The following CLEC4C variants were observed in gnomAD, a reference collection of about 807,000 sequenced individuals.
The protein encoded by CLEC4C is C-type (calcium dependent, carbohydrate-recognition domain) lectin, superfamily member 11.
In CLEC4C, 17 loss-of-function variants were observed where a neutral mutation model predicts 27.7. The ratio of observed to expected loss-of-function variants is 0.61; its 90% confidence interval spans 0.42 to 0.92. CLEC4C has a LOEUF of 0.92. Ranked by LOEUF, CLEC4C falls within the 40% of genes least tolerant of loss-of-function variation. The pLI is 0.00. For missense variants in CLEC4C, 244 were observed against 257.3 expected, an observed-to-expected ratio of 0.95 and a Z score of 0.35; for synonymous variants, 80 against 80.8, an observed-to-expected ratio of 0.99 and a Z score of 0.06.
intron 2 of CLEC4C, among the ~76,000 whole-genome samples, chr12:7,742,840 A>C (rs557069853): frequency 8.5e-6 from 1 of 117,312 alleles, no homozygotes; most frequent in Non-Finnish European, 2.0e-5. Flanking sequence ...TAAATAAATA[A>C]ATAAATAAAT....
chr12:7,741,611 G>T, intron 2 of CLEC4C, 80 bp from the exon 3 acceptor site: 1 of 807,184 alleles, frequency 1.2e-6, no homozygotes, highest in Non-Finnish European at 2.1e-6. Context: ...GCTGTGGACA[G>T]GCACAGTGAC....
At chr12:7,739,672 T>C (rs1231356972) in intron 3 of CLEC4C, among the ~76,000 whole-genome samples, 2 of 147,574 alleles carry the variant, frequency 1.4e-5, no homozygotes, top group Non-Finnish European at 3.0e-5. Flanking sequence ...AAGCTGATAA[T>C]TTTATTTTAT....
chr12:7,731,290 T>C lies in CLEC4C; in HGVS notation c.382-378A>G, dbSNP rs1474481678. 4.0e-4 allele frequency among the ~76,000 whole-genome samples: 61 copies of C among 151,804 alleles called. 1 individual carries two copies. The highest frequency in any genetic ancestry group is 4.0e-3 in the Admixed American group (61 of 15,194). ...ATGTATGGGAACAGACATACAACTCTCCCTCCCAGATAAGCACAACAAAGA... is the reference window on the plus strand; with the variant it reads ...ATGTATGGGAACAGACATACAACTCCCCCTCCCAGATAAGCACAACAAAGA... On this transcript the variant is annotated intron_variant, in intron 4 of 5. Coordinates refer to ENST00000360345, the MANE Select transcript of CLEC4C (RefSeq NM_001371390.1).
Position 7,730,810 on chromosome 12 carries a change from T to C in CLEC4C, c.484A>G (p.Asn162Asp), listed in dbSNP as rs199756493. ...TTCTATACTCACGTGACATTTTCAT[T>C]GTATGGTGTCTGGTCAACCCATTGC... ...HWQWVDQTPY[N>D]ENVTFWHSGE... The change falls in exon 5 of 6, where the codon AAT becomes GAT. Residue 162 changes from asparagine (N) to aspartate (D), a missense_variant. Coordinates refer to ENST00000360345, the MANE Select transcript of CLEC4C (RefSeq NM_001371390.1). 1 of 1,585,160 alleles carries C rather than the reference T, an allele frequency of 6.3e-7. No homozygotes were observed. Among genetic ancestry groups the C allele is most frequent in the Non-Finnish European group, 8.7e-7 (1 of 1,153,896 alleles).
At chr12:7,729,982 A>G (rs141146249) in intron 5 of CLEC4C, among the ~76,000 whole-genome samples, 1,671 of 152,190 alleles carry the variant, frequency 0.011, 13 homozygotes, top group Non-Finnish European at 0.017. Context: ...ATCTTAATCA[A>G]CTCAAGCATA....
chr12:7,741,380 T>A (rs772319367), intron 3 of CLEC4C, 41 bp downstream of exon 3: 1 of 1,079,032 alleles, frequency 9.3e-7, no homozygotes, highest in Non-Finnish European at 1.4e-6. Flanking sequence ...GGAATTTGAT[T>A]AATAGCAAGG....
chr12:7,745,168 G>A (rs745766058), intron 2 of CLEC4C, among the ~76,000 whole-genome samples: 15 of 152,008 alleles, frequency 9.9e-5, no homozygotes, highest in Non-Finnish European at 2.1e-4. Context: ...TTTGAAGATA[G>A]GGGCTTTGGG....
chr12:7,730,323 T>C (rs1226925835), intron 5 of CLEC4C, among the ~76,000 whole-genome samples: 1 of 152,036 alleles, frequency 6.6e-6, no homozygotes, highest in African/African-American at 2.4e-5. Context: ...TAATCTGTAC[T>C]AAAGTGCTTT....
intron 1 of CLEC4C, 23 bp downstream of exon 1, chr12:7,747,295 G>A (rs148807583): frequency 1.2e-6 from 2 of 1,612,352 alleles, no homozygotes; most frequent in East Asian, 2.2e-5. Context: ...ACCTTCCCTA[G>A]AACTGAGAAG....
chr12:7,731,281 A>G (rs886170605), intron 4 of CLEC4C, among the ~76,000 whole-genome samples: 8 of 152,140 alleles, frequency 5.3e-5, no homozygotes, highest in Non-Finnish European at 8.8e-5. Context: ...GGGAACAGAC[A>G]TACAACTCTC....
chr12:7,744,705 C>T (rs1191018392), intron 2 of CLEC4C, among the ~76,000 whole-genome samples: 1 of 152,106 alleles, frequency 6.6e-6, no homozygotes, highest in Non-Finnish European at 1.5e-5. Context: ...GCCTCAACTT[C>T]CTGGGCTCAA....
At chr12:7,738,969 C>G (rs868163491) in intron 3 of CLEC4C, among the ~76,000 whole-genome samples, 10 of 140,520 alleles carry the variant, frequency 7.1e-5, no homozygotes, top group African/African-American at 2.6e-4. Flanking sequence ...CCCCTCCCCA[C>G]CCCACAACAG....
At chr12:7,739,144 G>A (rs1359822902) in intron 3 of CLEC4C, among the ~76,000 whole-genome samples, 4 of 151,426 alleles carry the variant, frequency 2.6e-5, no homozygotes, top group Admixed American at 6.6e-5. Context: ...ATGGCATCTC[G>A]CTCTGTCGCC....
At chr12:7,729,971 C>T (rs1864556894) in intron 5 of CLEC4C, among the ~76,000 whole-genome samples, 1 of 152,172 alleles carries the variant, frequency 6.6e-6, no homozygotes, top group African/African-American at 2.4e-5. Flanking sequence ...AGTACTCTGT[C>T]ATCTTAATCA....
chr12:7,735,329 CTCA>C (rs1565460271), intron 4 of CLEC4C, among the ~76,000 whole-genome samples: 3 of 151,608 alleles, frequency 2.0e-5, no homozygotes, highest in Non-Finnish European at 4.4e-5. Flanking sequence ...ATGGTAAAAC[CTCA>C]TCTTTACTAA....
chr12:7,734,050 G>A (rs1190735485), intron 4 of CLEC4C, among the ~76,000 whole-genome samples: 4 of 151,772 alleles, frequency 2.6e-5, no homozygotes, highest in South Asian at 2.1e-4. Flanking sequence ...GAAACACGTC[G>A]CCAGGCCTCA....
upstream of CLEC4C, among the ~76,000 whole-genome samples, chr12:7,747,777 G>C (rs984529212): frequency 2.6e-5 from 4 of 151,242 alleles, no homozygotes; most frequent in African/African-American, 9.7e-5. Context: ...GAGCAGCTGG[G>C]ACTACAGGCA....
intron 4 of CLEC4C, among the ~76,000 whole-genome samples, chr12:7,735,619 A>G (rs1864708164): frequency 6.6e-6 from 1 of 151,874 alleles, no homozygotes; most frequent in Admixed American, 6.6e-5. Flanking sequence ...AGCCTGGCCA[A>G]TATGGTGAAA....
intron 3 of CLEC4C, among the ~76,000 whole-genome samples, chr12:7,739,936 G>A (rs758906025): frequency 7.9e-5 from 12 of 151,334 alleles, no homozygotes; most frequent in Non-Finnish European, 1.5e-4. Flanking sequence ...CCAGGTTCAA[G>A]TGATTCTCCT....
Sources: allele counts gnomAD v4.1 joint callset (sites outside exome capture counted in the v4.1 genomes callset), GRCh38; gene constraint gnomAD v4.1.1; transcripts MANE v1.5; gene names NCBI Gene and HGNC (gene_info 2026-07-23, HGNC 2026-07-21).